The following SRR variants were observed in gnomAD, a reference collection of about 807,000 sequenced individuals.
The protein encoded by SRR is D-serine ammonia-lyase.
In SRR, 19 loss-of-function variants were observed where a neutral mutation model predicts 32.7. The observed-to-expected ratio is 0.58, with a 90% CI of 0.40 to 0.85. The LOEUF is 0.85. Ranked by LOEUF, SRR falls within the 40% of genes least tolerant of loss-of-function variation. The pLI, the probability that SRR is intolerant of heterozygous loss-of-function variation, is 0.00. For synonymous variants in SRR, 142 were observed against 140.9 expected (o/e 1.01, Z -0.06); for missense variants, 373 against 404.7 (o/e 0.92, Z 0.67).
At position 2,323,221 on chromosome 17, in the gene SRR, T is replaced by C. The variant is rs780379801; in HGVS notation, c.680T>C (p.Met227Thr). The C allele has an allele frequency of 3.1e-6, 5 of 1,614,224 alleles. No homozygotes were observed. The highest frequency in any genetic ancestry group is 4.2e-6 in the Non-Finnish European group (5 of 1,180,038). The change falls in exon 7 of 8, where the codon ATG becomes ACG. Residue 227 changes from methionine (M) to threonine (T), a missense_variant. By Grantham distance (81) the Met-to-Thr change is moderately conservative (BLOSUM62 -1). Transcript: ENST00000344595. ...CAGTCCAAGCTGAAGGGGAAACTGA[T>C]GCCCAATCTTTATCCTCCAGAAACC... ...CYQSKLKGKL[M>T]PNLYPPETIA...
chr17:2,304,175 C>T (rs1464897687), intron 1 of SRR, among the ~76,000 whole-genome samples, 158 bp downstream of exon 1: 1 of 151,902 alleles, frequency 6.6e-6, no homozygotes, highest in African/African-American at 2.4e-5. Flanking sequence ...GCCAGGCTCT[C>T]CCGCCACAGG....
chr17:2,307,397 A>G, intron 1 of SRR: 1 of 1,170,154 alleles, frequency 8.5e-7, no homozygotes, highest in East Asian at 2.3e-5. Context: ...TTCGGTAGGA[A>G]TGACAACTTT....
intron 3 of SRR, among the ~76,000 whole-genome samples, chr17:2,318,369 C>CG (rs1729233274): frequency 1.3e-5 from 2 of 151,924 alleles, no homozygotes; most frequent in South Asian, 4.2e-4. Flanking sequence ...AGGCTGGTCT[C>CG]GAACTCCTGG....
Position 2,324,294 on chromosome 17 carries a change from C to G in SRR, c.*421C>G, listed in dbSNP as rs773641156. The G allele has an allele frequency of 1.3e-6, 2 of 1,556,826 alleles. No individual in the cohort carries two copies. Among genetic ancestry groups the G allele is most frequent in the Non-Finnish European group, 1.7e-6 (2 of 1,156,850 alleles). The stretch of plus-strand genomic sequence containing the variant: ...GGATCATAAGTCCATTTGGGGAAGA[C>G]TCGTTTATACAGGTTCATCAGTACT... On this transcript the variant is annotated 3_prime_UTR_variant, in exon 8 of 8. Coordinates refer to ENST00000344595, the MANE Select transcript of SRR (RefSeq NM_021947.3).
At chr17:2,303,857 A>C, upstream of SRR, 5 of 576,874 alleles carry the variant, frequency 8.7e-6, no homozygotes, top group African/African-American at 2.0e-5. Context: ...TTTCCGAACG[A>C]CGGTGGCCGC....
At chr17:2,320,998 A>G (rs888914877) in intron 4 of SRR, among the ~76,000 whole-genome samples, 4 of 152,228 alleles carry the variant, frequency 2.6e-5, no homozygotes, top group Non-Finnish European at 2.9e-5. Context: ...TATTCTAGAC[A>G]TCCACAGCAC....
At position 2,320,396 on chromosome 17, in the gene SRR, C is replaced by T. The variant is rs576640111; in HGVS notation, c.400-910C>T. 2.2e-4 allele frequency among the ~76,000 whole-genome samples: 34 copies of T among 151,148 alleles called. 1 individual carries two copies. In the South Asian group the frequency reaches 6.1e-3, roughly 27 times the overall value. ...TCAGCCTCCCGAGTAGCTGGGACTA[C>T]AGGCGCGTGCCACCATGCCCAGCTA... On this transcript the variant is annotated intron_variant, in intron 4 of 7. Transcript: ENST00000344595.
intron 4 of SRR, among the ~76,000 whole-genome samples, chr17:2,320,722 T>C (rs1303786007): frequency 1.3e-5 from 2 of 152,014 alleles, no homozygotes; most frequent in African/African-American, 4.8e-5. Flanking sequence ...CCACCACATC[T>C]GGCTAATTTT....
intron 1 of SRR, among the ~76,000 whole-genome samples, chr17:2,311,086 A>T (rs532080828): frequency 1.1e-4 from 17 of 151,430 alleles, no homozygotes; most frequent in Admixed American, 8.5e-4. Context: ...TTACTATGTT[A>T]GTCAGTCTGG....
intron 1 of SRR, chr17:2,307,454 G>A (rs563698351): frequency 1.8e-5 from 25 of 1,411,822 alleles, no homozygotes; most frequent in Admixed American, 1.2e-4. Context: ...GGTGGCAGCT[G>A]TGGTGGTGGT....
intron 1 of SRR, 175 bp from the exon 2 acceptor site, chr17:2,315,382 T>A: frequency 3.6e-6 from 2 of 552,572 alleles, no homozygotes; most frequent in Non-Finnish European, 5.8e-6. Context: ...CAGAAAAACT[T>A]CGTTCAGCTT....
chr17:2,309,340 T>C (rs954041354), intron 1 of SRR, among the ~76,000 whole-genome samples: 1 of 152,210 alleles, frequency 6.6e-6, no homozygotes, highest in African/African-American at 2.4e-5. Flanking sequence ...ATAATGAACA[T>C]GTATGGAATC....
intron 1 of SRR, among the ~76,000 whole-genome samples, chr17:2,312,867 A>G (rs1235998652): frequency 6.6e-6 from 1 of 152,246 alleles, no homozygotes; most frequent in Non-Finnish European, 1.5e-5. Context: ...CATCATTCTT[A>G]CAGCCAACAA....
chr17:2,304,599 A>G (rs1447652576), intron 1 of SRR, among the ~76,000 whole-genome samples: 1 of 151,742 alleles, frequency 6.6e-6, no homozygotes. Flanking sequence ...GGAAGGAAGT[A>G]CATCAGGAGG....
chr17:2,322,492 T>C (rs2075538207), intron 6 of SRR: 1 of 152,316 alleles, frequency 6.6e-6, no homozygotes. Flanking sequence ...ATGTATTACT[T>C]ATTGTGCCTA....
chr17:2,317,507 T>G (rs1240864082), intron 2 of SRR, among the ~76,000 whole-genome samples: 1 of 139,490 alleles, frequency 7.2e-6, no homozygotes, highest in Non-Finnish European at 1.5e-5. Flanking sequence ...AGAGCGAGAC[T>G]AGGTCTAAAA....
intron 1 of SRR, among the ~76,000 whole-genome samples, chr17:2,306,001 G>C (rs2075387537): frequency 6.9e-6 from 1 of 144,514 alleles, no homozygotes; most frequent in Non-Finnish European, 1.5e-5. Flanking sequence ...GCCCAGCCTT[G>C]AATTCAGTTT....
At chr17:2,317,502 G>A (rs866735075) in intron 2 of SRR, among the ~76,000 whole-genome samples, 6 of 149,062 alleles carry the variant, frequency 4.0e-5, no homozygotes, top group Middle Eastern at 7.0e-3. Flanking sequence ...ACAACAGAGC[G>A]AGACTAGGTC....
rs1194710819 is a variant in SRR at position 2,323,250 on chromosome 17, G to A, written c.709G>A (p.Ala237Thr). The A allele has an allele frequency of 6.2e-7, 1 of 1,614,192 alleles. No homozygotes were observed. The highest frequency in any genetic ancestry group is 8.5e-7 in the Non-Finnish European group (1 of 1,180,028). Residue 237 changes from alanine (A) to threonine (T), a missense_variant, in exon 7 of 8, where the codon GCA becomes ACA. Physicochemically the swap from Ala to Thr is moderately conservative, Grantham distance 58 (BLOSUM62 0). Coordinates refer to ENST00000344595, the MANE Select transcript of SRR (RefSeq NM_021947.3). Reference sequence around the variant, plus strand: ...CAATCTTTATCCTCCAGAAACCATAGCAGATGGTGTCAAATCCAGCATTGG... The same window carrying A: ...CAATCTTTATCCTCCAGAAACCATAACAGATGGTGTCAAATCCAGCATTGG... ...MPNLYPPETI[A>T]DGVKSSIGLN... is the part of the protein sequence containing the mutation.
Sources: gnomAD v4.1 joint callset for allele counts (sites outside exome capture counted in the v4.1 genomes callset) on GRCh38, gnomAD v4.1.1 for gene constraint, MANE v1.5 for transcripts, NCBI Gene and HGNC (gene_info 2026-07-23, HGNC 2026-07-21) for gene names.